Variants in GLS observed in about 807,000 individuals in gnomAD.
The protein encoded by GLS is glutaminase kidney isoform, mitochondrial.
Under a neutral mutation model 86.7 loss-of-function variants are expected in GLS, and 36 were observed. That is an observed-to-expected ratio of 0.42 (90% confidence interval 0.32 to 0.55). The LOEUF is 0.55. GLS is among the 20% of genes least tolerant of loss of function. The pLI is 0.17. For synonymous variants in GLS, 317 were observed against 305.9 expected (o/e 1.04, Z -0.38); for missense variants, 528 against 833.4 (o/e 0.63, Z 4.51).
intron 1 of GLS, among the ~76,000 whole-genome samples, chr2:190,887,330 A>AC (rs1349723668): frequency 6.6e-6 from 1 of 152,048 alleles, no homozygotes; most frequent in Non-Finnish European, 1.5e-5. Flanking sequence ...TGATTTTCTG[A>AC]CCCCCTACAA....
chr2:190,929,760 G>T (rs188847336), intron 12 of GLS, among the ~76,000 whole-genome samples: 1 of 151,796 alleles, frequency 6.6e-6, no homozygotes, highest in Non-Finnish European at 1.5e-5. Flanking sequence ...ATGAGCCACC[G>T]CACCCGGCCT....
At position 190,930,620 on chromosome 2, in the gene GLS, A is replaced by G. The variant is rs375865616; in HGVS notation, c.1557+52A>G. On this transcript the variant is annotated intron_variant, in intron 13 of 17. Transcript: ENST00000320717. The surrounding 1 kb of genome is among the most constrained non-coding windows in gnomAD (Gnocchi z 5.0). ...ATGGTGTTACAAGTTGAGCCATCCA[A>G]TGATTCTTTTTTTTAACCCATTTTC... The G allele has an allele frequency of 2.2e-4, 340 of 1,541,282 alleles. No homozygotes were observed. Among genetic ancestry groups the G allele is most frequent in the East Asian group, 3.9e-4 (17 of 43,860 alleles).
At position 190,897,033 on chromosome 2, in the gene GLS, C is replaced by CT. The variant is rs889126188; in HGVS notation, c.605+1319dup. Among the ~76,000 whole-genome samples, 27 of 146,250 alleles carry CT rather than the reference C, an allele frequency of 1.8e-4. No homozygotes were observed. Among genetic ancestry groups the CT allele is most frequent in the East Asian group, 4.0e-4 (2 of 5,054 alleles). On this transcript the variant is annotated intron_variant, in intron 3 of 17. Transcript: ENST00000320717. This position sits in a 1 kb window ranked among gnomAD's most constrained non-coding sequence, Gnocchi z 4.3. Reference sequence around the variant, plus strand: ...TTTTAAGTGGAAGCAGTATTTTACACTTTTTTTTTTTAAGAGACAGAGTCT... The same window carrying CT: ...TTTTAAGTGGAAGCAGTATTTTACACTTTTTTTTTTTTAAGAGACAGAGTCT...
rs1276845641 is a variant in GLS at position 190,949,661 on chromosome 2, C to G, written c.1651-3904C>G. Among the ~76,000 whole-genome samples, 2 of 152,256 alleles carry G rather than the reference C, an allele frequency of 1.3e-5. No individual in the cohort carries two copies. Among genetic ancestry groups the G allele is most frequent in the East Asian group, 3.9e-4 (2 of 5,174 alleles). ...GAGCCGAGATCTTGCCACTGCACTC[C>G]AGCCTGGGTGACAGAGCGAGACCTT... On this transcript the variant is annotated intron_variant, in intron 14 of 17. Transcript: ENST00000320717. The surrounding 1 kb of genome is among the most constrained non-coding windows in gnomAD (Gnocchi z 4.0).
chr2:190,904,908 G>T, intron 5 of GLS, 96 bp from the exon 6 acceptor site: 1 of 744,094 alleles, frequency 1.3e-6, no homozygotes, highest in African/African-American at 1.8e-5. Context: ...GAAAATTTTT[G>T]TTGGAATTGT....
chr2:190,944,114 C>T (rs896818572), intron 14 of GLS, among the ~76,000 whole-genome samples: 2 of 151,990 alleles, frequency 1.3e-5, no homozygotes, highest in African/African-American at 4.8e-5. Context: ...CATCTATTTT[C>T]AGGGACCTTG....
chr2:190,887,415 T>C (rs1387575372), intron 1 of GLS, among the ~76,000 whole-genome samples: 2 of 152,130 alleles, frequency 1.3e-5, no homozygotes, highest in African/African-American at 4.8e-5. Context: ...TTAAATTCAT[T>C]ATAAAGAAAT....
chr2:190,932,756 AACTT>A lies in GLS; in HGVS notation c.1650+1120_1650+1123del, dbSNP rs756542065. The A allele has an allele frequency of 1.9e-6, 3 of 1,603,500 alleles. No homozygotes were observed. In the African/African-American group the frequency reaches 4.0e-5, roughly 22 times the overall value. On this transcript the variant is annotated intron_variant, in intron 14 of 17. Coordinates refer to ENST00000320717, the MANE Select transcript of GLS (RefSeq NM_014905.5). ...TTGGACTATGAAAGTCTCCAACAAGAACTTGCTTTAAAAGAGACAGTATGGAAAA... is the reference window on the plus strand; with the variant it reads ...TTGGACTATGAAAGTCTCCAACAAGAGCTTTAAAAGAGACAGTATGGAAAA...
chr2:190,952,048 C>T (rs368337773), intron 14 of GLS, among the ~76,000 whole-genome samples: 19 of 152,270 alleles, frequency 1.2e-4, no homozygotes, highest in African/African-American at 4.1e-4. Context: ...CTATAAAAAA[C>T]AACAAACTCT....
In GLS at chr2:190,920,682, A is replaced by G. The variant is rs1689701166; in HGVS notation, c.1039-342A>G. Among the ~76,000 whole-genome samples the G allele has an allele frequency of 6.6e-6, 1 of 151,736 alleles. No homozygotes were observed. Among genetic ancestry groups the G allele is most frequent in the Non-Finnish European group, 1.5e-5 (1 of 67,722 alleles). On this transcript the variant is annotated intron_variant, in intron 7 of 17. Transcript: ENST00000320717. The surrounding 1 kb of genome is among the most constrained non-coding windows in gnomAD (Gnocchi z 4.2). ...AACTTTATTTTAAGTTTTTTTAAAT[A>G]TAAGATTAAATAAATAACACATTTT... is the stretch of plus-strand genomic sequence containing the variant.
chr2:190,957,289 AC>A (rs1438266648), intron 17 of GLS, among the ~76,000 whole-genome samples: 2 of 152,106 alleles, frequency 1.3e-5, no homozygotes, highest in Admixed American at 6.6e-5. Context: ...ATGGGGTTTC[AC>A]CATGTTGGCC....
At chr2:190,896,392 A>G (rs912329074) in intron 3 of GLS, 8 of 152,212 alleles carry the variant, frequency 5.3e-5, no homozygotes, top group Non-Finnish European at 1.0e-4. Flanking sequence ...CATGTGTGTA[A>G]TGGATCCCAA....
chr2:190,940,133 C>A lies in GLS; in HGVS notation c.1650+8496C>A, dbSNP rs1690383312. 2.6e-5 allele frequency among the ~76,000 whole-genome samples: 4 copies of A among 151,964 alleles called. No individual in the cohort carries two copies. In the South Asian group the frequency reaches 8.3e-4, roughly 32 times the overall value. On this transcript the variant is annotated intron_variant, in intron 14 of 17. Transcript: ENST00000320717. The stretch of plus-strand genomic sequence containing the variant: ...AAATGTAAAAGTCCAAATTTCTCTT[C>A]TTCAGTATAATATAGCTTATTCTTT...
rs1464127493 is a variant in GLS, at chr2:190,881,361, G to A, written c.277G>A (p.Gly93Arg). ...CAAGGGGAGCACGCATCCGCAGCCC[G>A]GGGTGTCGCCACCCGCTGCCCCGGC... The part of the protein sequence containing the change: ...LGKGSTHPQP[G>R]VSPPAAPAAP... Residue 93 changes from glycine to arginine, a missense_variant, in exon 1 of 18, where the codon GGG (glycine) becomes AGG (arginine). Physicochemically the swap from Gly to Arg is moderately radical, Grantham distance 125 (BLOSUM62 -2). Transcript: ENST00000320717. The A allele has an allele frequency of 1.9e-6, 3 of 1,538,706 alleles. No individual in the cohort carries two copies. Among genetic ancestry groups the A allele is most frequent in the Middle Eastern group, 2.2e-4 (1 of 4,472 alleles).
intron 7 of GLS, among the ~76,000 whole-genome samples, chr2:190,912,981 G>A (rs925275193): frequency 1.3e-5 from 2 of 152,010 alleles, no homozygotes; most frequent in Non-Finnish European, 2.9e-5. Context: ...ATTTCACCAT[G>A]GCTACTAGAG....
intron 14 of GLS, among the ~76,000 whole-genome samples, chr2:190,950,519 C>A (rs1050327049): frequency 2.6e-5 from 4 of 152,108 alleles, no homozygotes; most frequent in Non-Finnish European, 5.9e-5. Context: ...TCAAGGACTA[C>A]CCCCCATGGT....
intron 14 of GLS, chr2:190,933,847 T>G (rs2124922093): frequency 1.3e-6 from 1 of 782,542 alleles, no homozygotes; most frequent in East Asian, 1.3e-4. Context: ...TTTTTTAGAG[T>G]ACTTGAGAAA....
intron 1 of GLS, among the ~76,000 whole-genome samples, chr2:190,885,716 C>T (rs2125973652): frequency 6.6e-6 from 1 of 152,260 alleles, no homozygotes; most frequent in East Asian, 1.9e-4. Flanking sequence ...ATTTACAATT[C>T]ACTTAAGCTA....
chr2:190,961,354 C>T (rs1002010880), intron 17 of GLS, among the ~76,000 whole-genome samples: 8 of 152,108 alleles, frequency 5.3e-5, no homozygotes, highest in African/African-American at 1.4e-4. Flanking sequence ...TGTTCCACCA[C>T]GCCCAGCTAA....
Sources: gnomAD v4.1 joint callset for allele counts (sites outside exome capture counted in the v4.1 genomes callset) on GRCh38, gnomAD v4.1.1 for gene constraint, Gnocchi (gnomAD v3.1) non-coding constraint, MANE v1.5 for transcripts, NCBI Gene and HGNC (gene_info 2026-07-23, HGNC 2026-07-21) for gene names.